TACC2: variants seen among roughly 807,000 people sequenced by gnomAD.
TACC2 encodes the protein transforming acidic coiled-coil-containing protein 2.
In TACC2, 137 loss-of-function variants were observed where a neutral mutation model predicts 227.3. The observed-to-expected ratio is 0.60, with a 90% CI of 0.52 to 0.69. The LOEUF (loss-of-function observed/expected upper bound fraction) is 0.69, where lower values mean the gene tolerates loss of function less well. TACC2 is among the 30% of genes least tolerant of loss of function. TACC2 has a pLI of 0.00. For missense variants in TACC2, 3,470 were observed against 3,694.4 expected, an observed-to-expected ratio of 0.94 and a Z score of 1.57; for synonymous variants, 1,523 against 1,487.5, an observed-to-expected ratio of 1.02 and a Z score of -0.55.
rs746017280 is a variant in TACC2 at position 122,084,957 on chromosome 10, C to T, written c.2457C>T (p.Ser819=). ...PGEGWIRGAA[S]EWPLLSSEKH... is the part of the protein sequence containing the mutation. ...AAGGCTGGATAAGAGGAGCTGCATCCGAGTGGCCCCTACTATCTTCTGAGA... is the reference window on the plus strand; with the variant it reads ...AAGGCTGGATAAGAGGAGCTGCATCTGAGTGGCCCCTACTATCTTCTGAGA... Residue 819 remains serine (S), a synonymous_variant, in exon 4 of 23, where the codon TCC becomes TCT. Transcript: ENST00000369005. 8.2e-5 allele frequency: 133 copies of T among 1,614,034 alleles called. 1 individual carries two copies. In the Middle Eastern group the frequency reaches 1.5e-3, roughly 18 times the overall value.
At chr10:122,166,170 G>T (rs903583843) in intron 7 of TACC2, among the ~76,000 whole-genome samples, 1 of 152,200 alleles carries the variant, frequency 6.6e-6, no homozygotes, top group Non-Finnish European at 1.5e-5. Flanking sequence ...CCTGACAACC[G>T]GAATCTAGAG....
At chr10:122,177,879 A>AT (rs1163263933) in intron 7 of TACC2, among the ~76,000 whole-genome samples, 2 of 152,150 alleles carry the variant, frequency 1.3e-5, no homozygotes, top group African/African-American at 4.8e-5. Context: ...GCAGCATTTC[A>AT]TGCCTCTGAG....
intron 1 of TACC2, among the ~76,000 whole-genome samples, chr10:122,021,398 G>C (rs563366293): frequency 6.6e-6 from 1 of 152,140 alleles, no homozygotes; most frequent in African/African-American, 2.4e-5. Flanking sequence ...TAAAAAGTGT[G>C]TGCAGAAGTG....
chr10:122,071,719 C>CAAAAAAA (rs145636754), intron 3 of TACC2, among the ~76,000 whole-genome samples: 3 of 108,628 alleles, frequency 2.8e-5, no homozygotes, highest in Admixed American at 2.2e-4. Flanking sequence ...ACTAAAAATA[C>CAAAAAAA]AAAAAAAAAA....
chr10:122,185,859 A>G, intron 7 of TACC2, among the ~76,000 whole-genome samples: 1 of 152,208 alleles, frequency 6.6e-6, no homozygotes, highest in Non-Finnish European at 1.5e-5. Context: ...CAACTTGTTG[A>G]AAGCTCCTTC....
chr10:122,084,730 A>G lies in TACC2; in HGVS notation c.2230A>G (p.Ile744Val), dbSNP rs2079906060. The change falls in exon 4 of 23, where the codon ATA becomes GTA. Residue 744 changes from isoleucine to valine, a missense_variant. Physicochemically the swap from Ile to Val is conservative, Grantham distance 29. Around this residue, in one of 10 missense-constraint regions of TACC2, gnomAD observed 1,924 missense variants for 1,978.3 expected, o/e 0.97. Transcript: ENST00000369005. ...CCAGGAAGGTGAGAGCACATTGGAA[A>G]TAAGGAAGATGGGCAGCTGTGATGG... ...KAQEGESTLE[I>V]RKMGSCDGEG... is the part of the protein sequence containing the mutation. The G allele has an allele frequency of 1.2e-6, 2 of 1,613,652 alleles. No homozygotes were observed. The highest frequency in any genetic ancestry group is 1.7e-6 in the Non-Finnish European group (2 of 1,180,032).
chr10:122,016,349 A>G (rs1288529701), intron 1 of TACC2, among the ~76,000 whole-genome samples: 1 of 151,088 alleles, frequency 6.6e-6, no homozygotes, highest in African/African-American at 2.4e-5. Context: ...CAGGTGGATC[A>G]CGAGGTCAAG....
rs888736430 is a variant in TACC2 at position 122,106,909 on chromosome 10, T to G, written c.5573+18318T>G. On this transcript the variant is annotated intron_variant, in intron 5 of 22. Transcript: ENST00000369005. ...TACCCACATTCAGTGTGTGGCCAGA[T>G]GCTCCCCTCATCGTTTCAAGCTGGC... Among the ~76,000 whole-genome samples, 5 of 152,244 alleles carry G rather than the reference T, an allele frequency of 3.3e-5. No individual in the cohort carries two copies. In the South Asian group the frequency reaches 1.0e-3, roughly 31 times the overall value.
intron 11 of TACC2, 125 bp from the exon 12 acceptor site, chr10:122,224,601 C>T (rs1465338883): frequency 9.0e-6 from 7 of 778,504 alleles, no homozygotes; most frequent in South Asian, 1.6e-5. Context: ...CAGTGGGCAC[C>T]GTCAGAAAGC....
At chr10:122,203,590 T>G (rs2094968889) in intron 8 of TACC2, among the ~76,000 whole-genome samples, 1 of 148,760 alleles carries the variant, frequency 6.7e-6, no homozygotes, top group Non-Finnish European at 1.5e-5. Context: ...TCCCCACATC[T>G]CAGAAGATGG....
At chr10:122,136,658 A>G (rs1238438043) in intron 6 of TACC2, among the ~76,000 whole-genome samples, 2 of 151,674 alleles carry the variant, frequency 1.3e-5, no homozygotes, top group Non-Finnish European at 2.9e-5. Flanking sequence ...GGCTCAAGCA[A>G]TTGTTCTGCC....
intron 5 of TACC2, among the ~76,000 whole-genome samples, chr10:122,123,243 G>C (rs950540046): frequency 1.3e-5 from 2 of 152,080 alleles, no homozygotes; most frequent in African/African-American, 4.8e-5. Context: ...GGGCTGAAGT[G>C]ATTCACCCAC....
At chr10:122,066,099 A>AG (rs2077351135) in intron 3 of TACC2, among the ~76,000 whole-genome samples, 2 of 146,586 alleles carry the variant, frequency 1.4e-5, no homozygotes, top group Non-Finnish European at 1.5e-5. Context: ...GAAAATCTAT[A>AG]CTTTTTTTTT....
chr10:122,210,619 A>C lies in TACC2; in HGVS notation c.6194A>C (p.Lys2065Thr). 1 of 1,614,130 alleles carries C rather than the reference A, an allele frequency of 6.2e-7. No individual in the cohort carries two copies. Among genetic ancestry groups the C allele is most frequent in the Non-Finnish European group, 8.5e-7 (1 of 1,180,022 alleles). Reference protein sequence around the residue: ...RASDAKNQEGKVNTRRKSTDS... With the variant: ...RASDAKNQEGTVNTRRKSTDS... ...TCAGACGCTAAGAATCAGGAGGGCA[A>C]AGTGAACACACGGAGGAAGTCCACG... Residue 2065 changes from lysine to threonine, a missense_variant, in exon 9 of 23, where the codon AAA (lysine) becomes ACA (threonine). Physicochemically the swap from Lys to Thr is moderately conservative, Grantham distance 78. Around this residue, in one of 10 missense-constraint regions of TACC2, gnomAD observed 593 missense variants for 636.6 expected, o/e 0.93. Coordinates refer to ENST00000369005, the MANE Select transcript of TACC2 (RefSeq NM_206862.4). The surrounding 1 kb of genome is among the most constrained non-coding windows in gnomAD (Gnocchi z 4.6).
intron 2 of TACC2, among the ~76,000 whole-genome samples, chr10:122,032,163 A>G (rs1213033343): frequency 6.6e-6 from 1 of 152,302 alleles, no homozygotes; most frequent in East Asian, 1.9e-4. Flanking sequence ...GCCCAGCTGT[A>G]TACCAGCCCC....
intron 18 of TACC2, 57 bp from the exon 19 acceptor site, chr10:122,241,901 T>G: frequency 2.6e-6 from 4 of 1,532,494 alleles, no homozygotes; most frequent in Non-Finnish European, 3.6e-6. Context: ...TCCAGCTGTG[T>G]GAGATGGAAA....
At chr10:122,124,065 G>A (rs1592283510) in intron 5 of TACC2, among the ~76,000 whole-genome samples, 2 of 152,068 alleles carry the variant, frequency 1.3e-5, no homozygotes, top group South Asian at 2.1e-4. Flanking sequence ...GCCCGCCACG[G>A]CCTCCCAAAG....
At chr10:122,252,023 G>A (rs2096263741) in intron 22 of TACC2, among the ~76,000 whole-genome samples, 1 of 152,186 alleles carries the variant, frequency 6.6e-6, no homozygotes, top group Admixed American at 6.5e-5. Flanking sequence ...CCCAATCAGC[G>A]CTCTGTAAAG....
chr10:122,109,704 A>G (rs1252999043), intron 5 of TACC2, among the ~76,000 whole-genome samples: 2 of 152,228 alleles, frequency 1.3e-5, no homozygotes, highest in African/African-American at 4.8e-5. Context: ...CAATCTGGGT[A>G]GCAGAGGGAA....
Sources: gnomAD v4.1 joint callset for allele counts (sites outside exome capture counted in the v4.1 genomes callset) on GRCh38, gnomAD v4.1.1 for gene constraint, gnomAD v4.1.1 regional missense constraint, Gnocchi (gnomAD v3.1) non-coding constraint, MANE v1.5 for transcripts, NCBI Gene and HGNC (gene_info 2026-07-23, HGNC 2026-07-21) for gene names.